The following LRRC8B variants were observed in gnomAD, a reference collection of about 807,000 sequenced individuals.
LRRC8B encodes volume-regulated anion channel subunit LRRC8B.
LRRC8B carries 23 observed loss-of-function variants against 58.8 expected under a neutral mutation model. That is an observed-to-expected ratio of 0.39 (90% CI 0.28 to 0.55). The LOEUF (loss-of-function observed/expected upper bound fraction) is 0.55, where lower values mean the gene tolerates loss of function less well. Among genes scored for constraint, LRRC8B ranks in the 20% least tolerant of loss-of-function variants. LRRC8B has a pLI of 0.62. For synonymous variants in LRRC8B, 359 were observed against 374.1 expected, an observed-to-expected ratio of 0.96 and a Z score of 0.47; for missense variants, 694 against 936.0, an observed-to-expected ratio of 0.74 and a Z score of 3.37.
At chr1:89,526,001 G>T (rs144163953) in intron 1 of LRRC8B, among the ~76,000 whole-genome samples, 2 of 152,290 alleles carry the variant, frequency 1.3e-5, no homozygotes, top group East Asian at 3.9e-4. Context: ...TTTATTAAAA[G>T]ACAACCTATT....
At chr1:89,527,162 T>C (rs1649762109) in intron 1 of LRRC8B, among the ~76,000 whole-genome samples, 2 of 152,360 alleles carry the variant, frequency 1.3e-5, no homozygotes, top group South Asian at 4.1e-4. Flanking sequence ...TTAGCCAATG[T>C]TTTTCTTATA....
At chr1:89,588,155 C>G (rs992631396) in intron 5 of LRRC8B, 4 of 152,182 alleles carry the variant, frequency 2.6e-5, no homozygotes, top group African/African-American at 9.6e-5. Context: ...CACCAAGACT[C>G]ATAAGGTAGG....
In LRRC8B at chr1:89,595,879, T is replaced by C. The variant is rs1333010285; in HGVS notation, c.*2836T>C. 6.6e-6 allele frequency: 1 copy of C among 152,292 alleles called. No homozygotes were observed. The highest frequency in any genetic ancestry group is 1.5e-5 in the Non-Finnish European group (1 of 67,970). 9.4% of individuals were successfully genotyped at this position (152,292 alleles called of 1,614,324 possible). On this transcript the variant is annotated 3_prime_UTR_variant, in exon 6 of 6. Coordinates refer to ENST00000330947, the MANE Select transcript of LRRC8B (RefSeq NM_001369817.2). ...TTAAATTATAATTATGAGACTTTCG[T>C]TGGCATTTGATTTCAAGAATACATA...
At chr1:89,555,624 G>C (rs1481218574) in intron 1 of LRRC8B, among the ~76,000 whole-genome samples, 1 of 152,164 alleles carries the variant, frequency 6.6e-6, no homozygotes, top group African/African-American at 2.4e-5. Context: ...GGAAGGGATA[G>C]AGAACTACAG....
In LRRC8B at chr1:89,561,201, G is replaced by C. The variant is rs888127114; in HGVS notation, c.-240-7046G>C. The stretch of plus-strand genomic sequence containing the variant: ...AAAGGTCTTCTTTTGAGAAGTGTCT[G>C]TTCATGTCCTTCGCCCACTTTTTGA... On this transcript the variant is annotated intron_variant, in intron 1 of 5. Coordinates refer to ENST00000330947, the MANE Select transcript of LRRC8B (RefSeq NM_001369817.2). 4.9e-3 allele frequency among the ~76,000 whole-genome samples: 737 copies of C among 151,730 alleles called. 7 individuals are homozygous for C. The highest frequency in any genetic ancestry group is 0.016 in the African/African-American group (670 of 41,396).
intron 1 of LRRC8B, among the ~76,000 whole-genome samples, chr1:89,560,478 T>TGCATG (rs1206367742): frequency 6.6e-6 from 1 of 151,732 alleles, no homozygotes; most frequent in East Asian, 1.9e-4. Flanking sequence ...GCTGGTGTGC[T>TGCATG]GCACCCACTA....
At chr1:89,569,072 G>A (rs141238359) in intron 3 of LRRC8B, among the ~76,000 whole-genome samples, 1 of 152,240 alleles carries the variant, frequency 6.6e-6, no homozygotes, top group Admixed American at 6.5e-5. Flanking sequence ...AATGAATGAA[G>A]AATTTGTACA....
chr1:89,534,558 T>A (rs1293229022), intron 1 of LRRC8B, among the ~76,000 whole-genome samples: 1 of 152,096 alleles, frequency 6.6e-6, no homozygotes, highest in Admixed American at 6.5e-5. Context: ...ACTTGTTTTT[T>A]AAAAAGTGCT....
chr1:89,591,334 CTG>C (rs1435539540), intron 5 of LRRC8B, among the ~76,000 whole-genome samples: 1 of 152,208 alleles, frequency 6.6e-6, no homozygotes, highest in East Asian at 1.9e-4. Flanking sequence ...GCAGGTATCT[CTG>C]TGCAGAAGGG....
intron 1 of LRRC8B, among the ~76,000 whole-genome samples, chr1:89,530,596 A>G (rs1650052667): frequency 6.6e-6 from 1 of 152,132 alleles, no homozygotes; most frequent in African/African-American, 2.4e-5. Flanking sequence ...TCCTTAGCAA[A>G]TGGAATTTGA....
rs139559872 is a variant in LRRC8B, at chr1:89,567,748, AC to A, written c.-240-498del. Among the ~76,000 whole-genome samples, 546 of 152,308 alleles carry A rather than the reference AC, an allele frequency of 3.6e-3. 4 individuals carry two copies. Among genetic ancestry groups the A allele is most frequent in the East Asian group, 0.03 (155 of 5,188 alleles). On this transcript the variant is annotated intron_variant, in intron 1 of 5. Coordinates refer to ENST00000330947, the MANE Select transcript of LRRC8B (RefSeq NM_001369817.2). ...CATTTTTGAAGTATATGCAAAAAAA[AC>A]ATATGAAGAGTACTGAGATGTTTAC...
intron 1 of LRRC8B, among the ~76,000 whole-genome samples, chr1:89,532,988 C>A (rs1191219008): frequency 6.6e-6 from 1 of 152,156 alleles, no homozygotes; most frequent in African/African-American, 2.4e-5. Flanking sequence ...GGATTGGTAA[C>A]CAATTTGTCT....
intron 5 of LRRC8B, among the ~76,000 whole-genome samples, chr1:89,588,256 A>G (rs1443226442): frequency 6.6e-6 from 1 of 152,186 alleles, no homozygotes; most frequent in Non-Finnish European, 1.5e-5. Flanking sequence ...ATAGGACGGT[A>G]ATAGGTGTCA....
In LRRC8B at chr1:89,583,374, A is replaced by G. The variant is rs1654384494; in HGVS notation, c.724A>G (p.Lys242Glu). 1 of 1,614,102 alleles carries G rather than the reference A, an allele frequency of 6.2e-7. No homozygotes were observed. Among genetic ancestry groups the G allele is most frequent in the Non-Finnish European group, 8.5e-7 (1 of 1,180,054 alleles). ...EQAKAIFEKVKRFRMHVEQKD... is the reference protein window; with the variant it reads ...EQAKAIFEKVERFRMHVEQKD... ...GGCCAAAGCCATCTTTGAAAAAGTGAAAAGATTCCGCATGCATGTGGAGCA... is the reference window on the plus strand; with the variant it reads ...GGCCAAAGCCATCTTTGAAAAAGTGGAAAGATTCCGCATGCATGTGGAGCA... Residue 242 changes from lysine to glutamate, a missense_variant, in exon 5 of 6, where the codon AAA becomes GAA. Lys to Glu is a moderately conservative substitution (Grantham distance 56). Transcript: ENST00000330947. The surrounding 1 kb of genome is among the most constrained non-coding windows in gnomAD (Gnocchi z 5.2).
At chr1:89,564,827 TG>T (rs1652930904) in intron 1 of LRRC8B, among the ~76,000 whole-genome samples, 1 of 152,224 alleles carries the variant, frequency 6.6e-6, no homozygotes, top group Admixed American at 6.5e-5. Context: ...TAGCAGTGTT[TG>T]TTTTAAACAT....
intron 3 of LRRC8B, among the ~76,000 whole-genome samples, chr1:89,577,471 T>C (rs1653935716): frequency 6.6e-6 from 1 of 152,172 alleles, no homozygotes; most frequent in Non-Finnish European, 1.5e-5. Flanking sequence ...TTTGGATTGA[T>C]TTAGTGTGTT....
chr1:89,543,848 C>A (rs192681562), intron 1 of LRRC8B, among the ~76,000 whole-genome samples: 36 of 151,632 alleles, frequency 2.4e-4, no homozygotes, highest in African/African-American at 8.0e-4. Flanking sequence ...AGTCCAGTGG[C>A]ACTGTCATGG....
chr1:89,584,876 C>A, intron 5 of LRRC8B, 87 bp downstream of exon 5: 1 of 952,130 alleles, frequency 1.1e-6, no homozygotes, highest in Non-Finnish European at 1.6e-6. Context: ...TCAAATCATA[C>A]TGTGTGTTCT....
chr1:89,544,328 C>T (rs1651243099), intron 1 of LRRC8B, among the ~76,000 whole-genome samples: 3 of 152,140 alleles, frequency 2.0e-5, no homozygotes, highest in African/African-American at 7.2e-5. Flanking sequence ...ATGTTTCTTT[C>T]CCTAATGAGA....
Sources: allele counts gnomAD v4.1 joint callset (sites outside exome capture counted in the v4.1 genomes callset), GRCh38; gene constraint gnomAD v4.1.1; non-coding constraint Gnocchi (gnomAD v3.1); transcripts MANE v1.5; gene names NCBI Gene and HGNC (gene_info 2026-07-23, HGNC 2026-07-21).